Variants in NR2F1-AS1 observed in about 807,000 individuals in gnomAD.
The protein encoded by NR2F1-AS1 is NR2F1 antisense RNA 1.
intron 4 of NR2F1-AS1, among the ~76,000 whole-genome samples, chr5:93,516,101 ACTT>A (rs1277378568): frequency 6.6e-6 from 1 of 151,900 alleles, no homozygotes; most frequent in Non-Finnish European, 1.5e-5. Flanking sequence ...AAAAGGAACT[ACTT>A]CTTGTTATGC....
intron 4 of NR2F1-AS1, among the ~76,000 whole-genome samples, chr5:93,537,856 GA>G (rs1279042142): frequency 2.0e-5 from 3 of 152,046 alleles, no homozygotes; most frequent in South Asian, 2.1e-4. Context: ...AGGCATATAA[GA>G]AAAAAAATTG....
chr5:93,490,686 G>A (rs1319103869), intron 4 of NR2F1-AS1, among the ~76,000 whole-genome samples: 1 of 151,692 alleles, frequency 6.6e-6, no homozygotes, highest in Non-Finnish European at 1.5e-5. Context: ...GATGGGAGTG[G>A]TGCTGGTGGT....
intron 1 of NR2F1-AS1, among the ~76,000 whole-genome samples, chr5:93,568,114 G>T (rs1301955325): frequency 1.3e-5 from 2 of 152,136 alleles, no homozygotes; most frequent in Non-Finnish European, 2.9e-5. Context: ...CTAATGCTGT[G>T]TTAAGTTTAA....
intron 4 of NR2F1-AS1, chr5:93,410,176 GACAATGAAT>G (rs1290824682): frequency 2.0e-5 from 3 of 152,126 alleles, no homozygotes; most frequent in Admixed American, 1.3e-4. Flanking sequence ...GAACACGAAG[GACAATGAAT>G]ACAATGAATA....
intron 4 of NR2F1-AS1, among the ~76,000 whole-genome samples, chr5:93,544,433 T>C (rs545862311): frequency 6.6e-6 from 1 of 152,312 alleles, no homozygotes; most frequent in Non-Finnish European, 1.5e-5. Flanking sequence ...CATTATATAA[T>C]TTAATCTTGG....
chr5:93,510,412 C>G (rs1751271123), intron 4 of NR2F1-AS1, among the ~76,000 whole-genome samples: 1 of 152,052 alleles, frequency 6.6e-6, no homozygotes, highest in African/African-American at 2.4e-5. Flanking sequence ...AATCCATATT[C>G]CCTTAGTGGC....
intron 4 of NR2F1-AS1, among the ~76,000 whole-genome samples, chr5:93,540,285 T>C (rs1037415892): frequency 1.3e-5 from 2 of 152,222 alleles, no homozygotes; most frequent in African/African-American, 4.8e-5. Context: ...AAGGAATATG[T>C]CTGATGAGTG....
intron 4 of NR2F1-AS1, among the ~76,000 whole-genome samples, chr5:93,527,298 G>A (rs1320937121): frequency 6.6e-6 from 1 of 152,056 alleles, no homozygotes; most frequent in Non-Finnish European, 1.5e-5. Context: ...GAAATGTGAA[G>A]GACCTCTTCA....
At chr5:93,525,606 G>C (rs1751596452) in intron 4 of NR2F1-AS1, among the ~76,000 whole-genome samples, 1 of 152,084 alleles carries the variant, frequency 6.6e-6, no homozygotes, top group East Asian at 1.9e-4. Flanking sequence ...CACATAATTA[G>C]AACAACATTC....
chr5:93,482,587 T>C (rs1331066484), intron 4 of NR2F1-AS1, among the ~76,000 whole-genome samples: 1 of 151,826 alleles, frequency 6.6e-6, no homozygotes, highest in Admixed American at 6.6e-5. Context: ...GAGCCTGGAA[T>C]GACAGCAAGG....
At chr5:93,505,875 C>T (rs578229286) in intron 4 of NR2F1-AS1, among the ~76,000 whole-genome samples, 3 of 152,256 alleles carry the variant, frequency 2.0e-5, no homozygotes, top group African/African-American at 4.8e-5. Context: ...ATTTTCCCCA[C>T]GGTCTTGGGG....
chr5:93,451,345 CA>C (rs1160043792), intron 4 of NR2F1-AS1, among the ~76,000 whole-genome samples: 14 of 145,818 alleles, frequency 9.6e-5, no homozygotes, highest in African/African-American at 3.6e-4. Flanking sequence ...AAAAAGCTGG[CA>C]ACTATTAAAT....
chr5:93,582,392 CCAGG>C (rs1412308522), upstream of NR2F1-AS1, among the ~76,000 whole-genome samples: 30 of 151,898 alleles, frequency 2.0e-4, no homozygotes, highest in African/African-American at 6.8e-4. Context: ...GCTGCAAATT[CCAGG>C]AGTGTGCTTT....
chr5:93,421,633 G>T (rs1299046324), intron 4 of NR2F1-AS1, among the ~76,000 whole-genome samples: 1 of 152,180 alleles, frequency 6.6e-6, no homozygotes, highest in African/African-American at 2.4e-5. Context: ...GAGGATCCAT[G>T]ATGGTGATTA....
chr5:93,463,254 G>C (rs1164358532), intron 4 of NR2F1-AS1, among the ~76,000 whole-genome samples: 1 of 152,188 alleles, frequency 6.6e-6, no homozygotes, highest in Non-Finnish European at 1.5e-5. Context: ...CTCAGGCCAT[G>C]GCTTCAGAGG....
At chr5:93,429,025 G>A (rs1360246150) in intron 4 of NR2F1-AS1, among the ~76,000 whole-genome samples, 1 of 152,084 alleles carries the variant, frequency 6.6e-6, no homozygotes, top group Non-Finnish European at 1.5e-5. Flanking sequence ...GGCCCAGACT[G>A]GCTTCATCTT....
chr5:93,483,222 C>T (rs986224927), intron 4 of NR2F1-AS1, among the ~76,000 whole-genome samples: 1 of 152,138 alleles, frequency 6.6e-6, no homozygotes, highest in African/African-American at 2.4e-5. Context: ...ATGGTGGAAG[C>T]CCCTCTGGGA....
At chr5:93,512,503 T>C (rs1408405622) in intron 4 of NR2F1-AS1, among the ~76,000 whole-genome samples, 1 of 152,176 alleles carries the variant, frequency 6.6e-6, no homozygotes, top group African/African-American at 2.4e-5. Flanking sequence ...GGAAGAAAAG[T>C]ATTTCTTTAT....
rs13163130 is a variant in NR2F1-AS1 at position 93,414,218 on chromosome 5, C to G, written n.639-18676G>C. On this transcript the variant is annotated intron_variant and non_coding_transcript_variant, in intron 4 of 5. Coordinates refer to ENST00000660523, the Ensembl canonical transcript of NR2F1-AS1. The stretch of plus-strand genomic sequence containing the variant: ...ATGATCTTTCATCACTTGGACAAGT[C>G]TGTGGTGAAAACTCCACTTTGAAAC... Among the ~76,000 whole-genome samples the G allele has an allele frequency of 1.1e-3, 165 of 152,188 alleles. 1 individual carries two copies. Among genetic ancestry groups the G allele is most frequent in the Non-Finnish European group, 1.9e-3 (126 of 68,036 alleles).
Sources: gnomAD v4.1 joint callset for allele counts (sites outside exome capture counted in the v4.1 genomes callset) on GRCh38, gnomAD v4.1.1 for gene constraint, MANE v1.5 for transcripts, NCBI Gene and HGNC (gene_info 2026-07-23, HGNC 2026-07-21) for gene names.